The following TXNRD1 variants were observed in gnomAD, a reference collection of about 807,000 sequenced individuals.
TXNRD1 encodes the protein thioredoxin reductase 1, also known as thioredoxin reductase 1, cytoplasmic.
Under a neutral mutation model 80.3 loss-of-function variants are expected in TXNRD1, and 57 were observed. That is an observed-to-expected ratio of 0.71 (90% confidence interval 0.57 to 0.89). The LOEUF is 0.89. TXNRD1 is among the 40% of genes least tolerant of loss of function. The pLI is 0.00. For synonymous variants in TXNRD1, 291 were observed against 285.2 expected (o/e 1.02, Z -0.20); for missense variants, 730 against 803.0 (o/e 0.91, Z 1.10).
intron 8 of TXNRD1, 74 bp from the exon 9 acceptor site, chr12:104,319,396 C>T: frequency 1.1e-6 from 1 of 930,486 alleles, no homozygotes; most frequent in Non-Finnish European, 1.7e-6. Flanking sequence ...TAGTGAATGG[C>T]CTTTGTTAAC....
At chr12:104,321,705 C>G (rs1397413509) in intron 10 of TXNRD1, among the ~76,000 whole-genome samples, 3 of 152,182 alleles carry the variant, frequency 2.0e-5, no homozygotes, top group African/African-American at 7.2e-5. Flanking sequence ...GGACATTTCC[C>G]CTTGGTATAT....
intron 3 of TXNRD1, among the ~76,000 whole-genome samples, chr12:104,277,908 ACT>A (rs1436288572): frequency 7.2e-6 from 1 of 138,962 alleles, no homozygotes; most frequent in Non-Finnish European, 1.5e-5. Flanking sequence ...ACGAAGTCTC[ACT>A]CTGTCACCCA....
At chr12:104,285,553 A>G (rs1305703164) in intron 3 of TXNRD1, among the ~76,000 whole-genome samples, 1 of 152,212 alleles carries the variant, frequency 6.6e-6, no homozygotes, top group Non-Finnish European at 1.5e-5. Flanking sequence ...TTTAATGGCA[A>G]GCCTCTTCAA....
intron 10 of TXNRD1, among the ~76,000 whole-genome samples, chr12:104,323,387 G>A (rs1340518065): frequency 2.3e-4 from 35 of 150,252 alleles, no homozygotes; most frequent in Non-Finnish European, 3.7e-4. Flanking sequence ...CGGCCGGGGC[G>A]GCTGGCCGGG....
In TXNRD1 at chr12:104,304,299, T is replaced by C. The variant is rs375418978; in HGVS notation, c.415-6991T>C. On this transcript the variant is annotated intron_variant, in intron 4 of 16. Coordinates refer to ENST00000525566, the MANE Select transcript of TXNRD1 (RefSeq NM_001093771.3). ...TTTAATCAGTTAGCATTTTGTGACT[T>C]TCTGTTTCTGTTCGTGGGTCTGAAT... The C allele has an allele frequency of 9.9e-6, 16 of 1,613,944 alleles. No homozygotes were observed. The highest frequency in any genetic ancestry group is 1.3e-5 in the African/African-American group (1 of 74,940).
intron 16 of TXNRD1, among the ~76,000 whole-genome samples, chr12:104,347,753 A>G (rs1016294773): frequency 2.0e-5 from 3 of 152,228 alleles, no homozygotes; most frequent in Admixed American, 1.3e-4. Context: ...ACTACACTGT[A>G]TGTGTTGTTC....
chr12:104,241,075 T>C (rs2032851517), intron 1 of TXNRD1, among the ~76,000 whole-genome samples: 1 of 151,722 alleles, frequency 6.6e-6, no homozygotes, highest in African/African-American at 2.4e-5. Flanking sequence ...AGTCTCACTC[T>C]GTCGCCCAGG....
intron 16 of TXNRD1, chr12:104,345,918 C>T (rs112180947): frequency 0.039 from 48,897 of 1,263,074 alleles, 1,507 homozygotes; most frequent in African/African-American, 0.12. Flanking sequence ...GATGGAAGGG[C>T]ATGGAGGCTG....
chr12:104,250,246 T>G (rs576973127), intron 1 of TXNRD1, among the ~76,000 whole-genome samples: 1 of 152,068 alleles, frequency 6.6e-6, no homozygotes, highest in African/African-American at 2.4e-5. Flanking sequence ...ATAGAACACA[T>G]GCAAATTAAC....
chr12:104,242,685 C>T lies in TXNRD1; in HGVS notation c.92-8842C>T, dbSNP rs943383079. On this transcript the variant is annotated intron_variant, in intron 1 of 16. Transcript: ENST00000525566. ...ATTTGGTCCTTCAGTACCTCTTCCACGTTCCCTGTGGTAGAGCCCAACCCT... is the reference window on the plus strand; with the variant it reads ...ATTTGGTCCTTCAGTACCTCTTCCATGTTCCCTGTGGTAGAGCCCAACCCT... 7.9e-5 allele frequency among the ~76,000 whole-genome samples: 12 copies of T among 152,154 alleles called. 1 individual carries two copies. The highest frequency in any genetic ancestry group is 2.0e-4 in the Admixed American group (3 of 15,268).
chr12:104,331,648 T>G lies in TXNRD1; in HGVS notation c.1650+7T>G. The G allele has an allele frequency of 6.5e-7, 1 of 1,542,858 alleles. No individual in the cohort carries two copies. Among genetic ancestry groups the G allele is most frequent in the African/African-American group, 1.4e-5 (1 of 73,668 alleles). ...TGGGGAAGAAAATATTGAGGTAAGT[T>G]CTTTTCCTCTTTTCTCCTATGTTAT... On this transcript the variant is annotated splice_region_variant and intron_variant, in intron 14 of 16. Coordinates refer to ENST00000525566, the MANE Select transcript of TXNRD1 (RefSeq NM_001093771.3).
intron 3 of TXNRD1, chr12:104,287,430 G>C (rs766275589): frequency 6.2e-7 from 1 of 1,613,664 alleles, no homozygotes; most frequent in Non-Finnish European, 8.5e-7. Flanking sequence ...CGGAGAAAAT[G>C]GGTATTGTAT....
intron 3 of TXNRD1, among the ~76,000 whole-genome samples, chr12:104,278,486 ATTGCGCC>A (rs2033807590): frequency 7.3e-6 from 1 of 137,446 alleles, no homozygotes. Context: ...GGCTTGAGCC[ATTGCGCC>A]CAGCCTAATT....
intron 3 of TXNRD1, among the ~76,000 whole-genome samples, chr12:104,270,094 A>G (rs2033622918): frequency 6.6e-6 from 1 of 152,134 alleles, no homozygotes; most frequent in Non-Finnish European, 1.5e-5. Flanking sequence ...CATCAAAGTT[A>G]CTCATAAGGG....
intron 1 of TXNRD1, among the ~76,000 whole-genome samples, chr12:104,231,144 C>T (rs1419912334): frequency 2.6e-5 from 4 of 152,100 alleles, no homozygotes; most frequent in Admixed American, 6.6e-5. Flanking sequence ...GAAAACTTCC[C>T]AAGGACCCCT....
chr12:104,338,697 CAAA>C (rs879386846), intron 15 of TXNRD1, among the ~76,000 whole-genome samples: 1 of 129,866 alleles, frequency 7.7e-6, no homozygotes, highest in Non-Finnish European at 1.7e-5. Context: ...TACTCCATCT[CAAA>C]AAAAAAAAAA....
chr12:104,307,768 G>A (rs184252298), intron 4 of TXNRD1, among the ~76,000 whole-genome samples: 2 of 152,164 alleles, frequency 1.3e-5, no homozygotes. Flanking sequence ...TTTTGGGGGA[G>A]CCTGGAGCAG....
intron 4 of TXNRD1, among the ~76,000 whole-genome samples, chr12:104,302,239 C>G (rs1042776437): frequency 5.3e-5 from 8 of 152,116 alleles, no homozygotes; most frequent in African/African-American, 1.9e-4. Flanking sequence ...CTTAATACTA[C>G]TAGATTTTGC....
At chr12:104,299,809 C>T (rs1358931784) in intron 4 of TXNRD1, among the ~76,000 whole-genome samples, 1 of 150,846 alleles carries the variant, frequency 6.6e-6, no homozygotes, top group Non-Finnish European at 1.5e-5. Flanking sequence ...AGAAACTATA[C>T]CTAATGTCCT....
Sources: allele counts gnomAD v4.1 joint callset (sites outside exome capture counted in the v4.1 genomes callset), GRCh38; gene constraint gnomAD v4.1.1; transcripts MANE v1.5; gene names NCBI Gene and HGNC (gene_info 2026-07-23, HGNC 2026-07-21).